Variants in LSM12 observed in about 807,000 individuals in gnomAD.
LSM12 encodes the protein protein LSM12.
For missense variants in LSM12, 108 were observed against 238.9 expected (o/e 0.45, Z 3.61); for synonymous variants, 74 against 87.3 (o/e 0.85, Z 0.85).
At chr17:44,041,334 A>AAAC (rs2049491263) in intron 2 of LSM12, among the ~76,000 whole-genome samples, 28 of 104,588 alleles carry the variant, frequency 2.7e-4, no homozygotes, top group Non-Finnish European at 3.8e-4. Context: ...CACACACACA[A>AAAC]ACACACACAC....
intron 2 of LSM12, among the ~76,000 whole-genome samples, chr17:44,051,326 G>A (rs1478084724): frequency 6.7e-6 from 1 of 148,982 alleles, no homozygotes; most frequent in Non-Finnish European, 1.5e-5. Context: ...GGGAGGCAGA[G>A]GTTGCAGTGA....
chr17:44,065,063 A>G (rs1274346828), intron 1 of LSM12, among the ~76,000 whole-genome samples: 2 of 149,964 alleles, frequency 1.3e-5, no homozygotes, highest in Admixed American at 6.6e-5. Flanking sequence ...AATCCGGGAG[A>G]CGGAAGTTGC....
At chr17:44,048,086 T>A (rs1371042494) in intron 2 of LSM12, among the ~76,000 whole-genome samples, 1 of 151,778 alleles carries the variant, frequency 6.6e-6, no homozygotes, top group Non-Finnish European at 1.5e-5. Flanking sequence ...GAGTTCTTTA[T>A]ACATTCTGGA....
intron 2 of LSM12, among the ~76,000 whole-genome samples, chr17:44,056,113 CA>C (rs911548503): frequency 1.9e-4 from 27 of 144,882 alleles, no homozygotes; most frequent in Admixed American, 6.2e-4. Flanking sequence ...GCTAAAAATA[CA>C]AAAAAAAAAT....
intron 1 of LSM12, 75 bp downstream of exon 1, chr17:44,066,389 C>T: frequency 6.7e-7 from 1 of 1,489,614 alleles, no homozygotes; most frequent in Non-Finnish European, 8.9e-7. Flanking sequence ...CCCCAGCCGC[C>T]GCCGTCGTCC....
At chr17:44,067,246 G>A (rs1214355989), upstream of LSM12, among the ~76,000 whole-genome samples, 2 of 152,246 alleles carry the variant, frequency 1.3e-5, no homozygotes, top group African/African-American at 4.8e-5. Context: ...GTTGCACTGA[G>A]CCAAGATTGT....
chr17:44,066,256 AAG>A (rs533034717), intron 1 of LSM12, among the ~76,000 whole-genome samples: 1 of 151,870 alleles, frequency 6.6e-6, no homozygotes, highest in South Asian at 2.1e-4. Flanking sequence ...AGCTCCCGCA[AAG>A]AGAGAGAGAC....
intron 2 of LSM12, among the ~76,000 whole-genome samples, chr17:44,044,205 A>G (rs1419900420): frequency 6.6e-6 from 1 of 152,206 alleles, no homozygotes; most frequent in East Asian, 1.9e-4. Context: ...GGAGAAAAAA[A>G]AGCTGGAAGA....
At chr17:44,039,423 G>A (rs1450637139) in intron 3 of LSM12, among the ~76,000 whole-genome samples, 4 of 120,190 alleles carry the variant, frequency 3.3e-5, no homozygotes, top group East Asian at 2.6e-4. Context: ...CGCCCAGGCC[G>A]GACTGCGGAC....
intron 2 of LSM12, among the ~76,000 whole-genome samples, chr17:44,059,775 G>C (rs1261523773): frequency 6.6e-6 from 1 of 152,128 alleles, no homozygotes; most frequent in Non-Finnish European, 1.5e-5. Flanking sequence ...TGCTAGGTCA[G>C]AGTCAACAAA....
intron 2 of LSM12, among the ~76,000 whole-genome samples, chr17:44,050,516 ATT>A (rs113543595): frequency 1.4e-5 from 2 of 139,996 alleles, no homozygotes; most frequent in Non-Finnish European, 1.6e-5. Flanking sequence ...GTGCCTGAAC[ATT>A]TTTTTTTTTT....
At chr17:44,045,087 G>A (rs1336549014) in intron 2 of LSM12, among the ~76,000 whole-genome samples, 2 of 152,070 alleles carry the variant, frequency 1.3e-5, no homozygotes, top group Non-Finnish European at 2.9e-5. Flanking sequence ...GAGTGCAGTG[G>A]TGCGATCTCA....
chr17:44,039,925 G>A (rs1217596708), intron 3 of LSM12, among the ~76,000 whole-genome samples: 2 of 152,186 alleles, frequency 1.3e-5, no homozygotes, highest in African/African-American at 2.4e-5. Flanking sequence ...TTACAGACAA[G>A]CAACTAAAGA....
At chr17:44,042,156 G>A (rs1325085416) in intron 2 of LSM12, among the ~76,000 whole-genome samples, 1 of 152,008 alleles carries the variant, frequency 6.6e-6, no homozygotes, top group Non-Finnish European at 1.5e-5. Context: ...GTGTGGTGGT[G>A]TGCACCTGTA....
At chr17:44,045,165 T>C (rs930459638) in intron 2 of LSM12, among the ~76,000 whole-genome samples, 4 of 151,902 alleles carry the variant, frequency 2.6e-5, no homozygotes, top group Non-Finnish European at 4.4e-5. Context: ...GTAGCTGGGA[T>C]TACAGGTGCC....
intron 2 of LSM12, among the ~76,000 whole-genome samples, chr17:44,044,949 C>G (rs1259099509): frequency 2.6e-5 from 4 of 152,152 alleles, no homozygotes; most frequent in Non-Finnish European, 5.9e-5. Context: ...TGGAGAGAAC[C>G]AATAAAAGCT....
intron 2 of LSM12, among the ~76,000 whole-genome samples, chr17:44,050,931 G>A (rs2049634854): frequency 6.6e-6 from 1 of 152,130 alleles, no homozygotes; most frequent in Admixed American, 6.5e-5. Flanking sequence ...TCAGGGGTTT[G>A]AGACCAGCCT....
chr17:44,066,012 A>G (rs919582133), intron 1 of LSM12, among the ~76,000 whole-genome samples: 5 of 152,146 alleles, frequency 3.3e-5, no homozygotes, highest in African/African-American at 1.2e-4. Flanking sequence ...AAATCCCATC[A>G]GTGCACATGC....
rs2049835365 is a variant in LSM12, at chr17:44,064,050, A to G, written c.125-116T>C. The G allele has an allele frequency of 6.3e-6, 7 of 1,118,116 alleles. No homozygotes were observed. In the East Asian group the frequency reaches 1.5e-4, roughly 24 times the overall value. The allele number at this position is 1,118,116 out of a possible 1,614,324, so 69.3% of individuals were successfully genotyped here. A position where few individuals can be genotyped will look rare whatever the true frequency, so the allele number is the denominator to read the frequency against. On this transcript the variant is annotated intron_variant, in intron 1 of 4. Transcript: ENST00000293406. ...GGCTTGTAAAAGGCAGGCCAGGAGC[A>G]TGAGGGCCTTATAAGAATCACGGTT... is the stretch of plus-strand genomic sequence containing the variant.
Sources: allele counts gnomAD v4.1 joint callset (sites outside exome capture counted in the v4.1 genomes callset), GRCh38; gene constraint gnomAD v4.1.1; transcripts MANE v1.5; gene names NCBI Gene and HGNC (gene_info 2026-07-23, HGNC 2026-07-21).